The following EXTL1 variants were observed in gnomAD, a reference collection of about 807,000 sequenced individuals.
EXTL1 encodes exostosin like glycosyltransferase 1.
In EXTL1, 43 loss-of-function variants were observed where a neutral mutation model predicts 64.6. The observed-to-expected ratio is 0.67, with a 90% CI of 0.52 to 0.86. EXTL1 has a LOEUF of 0.86. EXTL1 is among the 40% of genes least tolerant of loss of function. EXTL1 has a pLI of 0.00. For synonymous variants in EXTL1, 352 were observed against 360.5 expected, an observed-to-expected ratio of 0.98 and a Z score of 0.27; for missense variants, 766 against 879.0, an observed-to-expected ratio of 0.87 and a Z score of 1.62.
intron 1 of EXTL1, 85 bp downstream of exon 1, chr1:26,023,510 G>C: frequency 7.6e-7 from 1 of 1,322,912 alleles, no homozygotes; most frequent in East Asian, 2.9e-5. Flanking sequence ...AGGCAGGACT[G>C]AGATGGGAGA....
intron 5 of EXTL1, 78 bp from the exon 6 acceptor site, chr1:26,031,382 C>G: frequency 7.2e-7 from 1 of 1,394,534 alleles, no homozygotes. Context: ...TCCTGGCCCC[C>G]GGGGATTCCC....
intron 6 of EXTL1, chr1:26,031,982 A>G (rs1324348436): frequency 4.5e-6 from 1 of 221,584 alleles, no homozygotes; most frequent in Non-Finnish European, 8.8e-6. Context: ...GTCCTTGTAG[A>G]GGAAGTGAAG....
rs1446693242 is a variant in EXTL1, at chr1:26,033,579, C to T, written c.1519-117C>T. On this transcript the variant is annotated intron_variant, in intron 8 of 10. Transcript: ENST00000374280. This position sits in a 1 kb window ranked among gnomAD's most constrained non-coding sequence, Gnocchi z 5.1. ...CCAATTCCAAGTCTTGGCTCCCGCG[C>T]CCTCTCCCCTGAGTCCTGCCCGGGC... 2 of 1,058,186 alleles carry T rather than the reference C, an allele frequency of 1.9e-6. No homozygotes were observed. The highest frequency in any genetic ancestry group is 1.6e-5 in the African/African-American group (1 of 62,928). The allele number at this position is 1,058,186 out of a possible 1,614,324, so 65.5% of individuals were successfully genotyped here.
At position 26,033,625 on chromosome 1, in the gene EXTL1, G is replaced by C; in HGVS notation, c.1519-71G>C. On this transcript the variant is annotated intron_variant, in intron 8 of 10. Coordinates refer to ENST00000374280, the MANE Select transcript of EXTL1 (RefSeq NM_004455.3). This position sits in a 1 kb window ranked among gnomAD's most constrained non-coding sequence, Gnocchi z 5.1. ...CGGGCCCCTCAGCCAGGCTGCCCCTGCCTCCATTTCCCTGGATGTTCTAGG... is the reference window on the plus strand; with the variant it reads ...CGGGCCCCTCAGCCAGGCTGCCCCTCCCTCCATTTCCCTGGATGTTCTAGG... The C allele has an allele frequency of 6.5e-7, 1 of 1,529,560 alleles. No individual in the cohort carries two copies. Among genetic ancestry groups the C allele is most frequent in the South Asian group, 1.2e-5 (1 of 82,306 alleles). The allele number at this position is 1,529,560 out of a possible 1,614,324, so 94.7% of individuals were successfully genotyped here.
chr1:26,035,412 C>G lies in EXTL1; in HGVS notation c.*65C>G. On this transcript the variant is annotated 3_prime_UTR_variant, in exon 11 of 11. Transcript: ENST00000374280. The surrounding 1 kb of genome is among the most constrained non-coding windows in gnomAD (Gnocchi z 5.3). ...AGCTCCCAGGGGGCCCGGCGCCTGC[C>G]GGCGGGCTCCGCTCTTGGGACACCG... 1 of 1,443,256 alleles carries G rather than the reference C, an allele frequency of 6.9e-7. No homozygotes were observed. The highest frequency in any genetic ancestry group is 2.4e-5 in the East Asian group (1 of 42,232). The allele number at this position is 1,443,256 out of a possible 1,614,324, so 89.4% of individuals were successfully genotyped here. A position where few individuals can be genotyped will look rare whatever the true frequency, so the allele number is the denominator to read the frequency against.
intron 1 of EXTL1, 21 bp from the exon 2 acceptor site, chr1:26,029,172 C>G: frequency 6.3e-7 from 1 of 1,583,356 alleles, no homozygotes; most frequent in Admixed American, 1.7e-5. Context: ...TGTGGTGGGA[C>G]CTCCCCATGT....
chr1:26,035,936 G>C lies in EXTL1; in HGVS notation c.*589G>C, dbSNP rs556513618. On this transcript the variant is annotated 3_prime_UTR_variant, in exon 11 of 11. Transcript: ENST00000374280. This position sits in a 1 kb window ranked among gnomAD's most constrained non-coding sequence, Gnocchi z 5.3. Reference sequence around the variant, plus strand: ...GCCCCACCCCGCCACCCATTCCTAGGGTTCCTAGTCCCGGGAAGGCAACTA... The same window carrying C: ...GCCCCACCCCGCCACCCATTCCTAGCGTTCCTAGTCCCGGGAAGGCAACTA... The C allele has an allele frequency of 6.6e-6, 1 of 152,554 alleles. No homozygotes were observed. Among genetic ancestry groups the C allele is most frequent in the Non-Finnish European group, 1.5e-5 (1 of 68,074 alleles). 9.5% of individuals were successfully genotyped at this position (152,554 alleles called of 1,614,324 possible).
In EXTL1 at chr1:26,035,107, C is replaced by G; in HGVS notation, c.1849-58C>G. 1 of 1,589,368 alleles carries G rather than the reference C, an allele frequency of 6.3e-7. No homozygotes were observed. Among genetic ancestry groups the G allele is most frequent in the South Asian group, 1.1e-5 (1 of 89,088 alleles). On this transcript the variant is annotated intron_variant, in intron 10 of 10. Coordinates refer to ENST00000374280, the MANE Select transcript of EXTL1 (RefSeq NM_004455.3). The surrounding 1 kb of genome is among the most constrained non-coding windows in gnomAD (Gnocchi z 5.3). ...ATTCCAGTCTTTCTTGCTGCACGGG[C>G]GTGGGGAGTTCGGAAGGGCAGAGAA...
Position 26,033,843 on chromosome 1 carries a change from G to T in EXTL1, c.1666G>T (p.Ala556Ser). The change falls in exon 9 of 11, where the codon GCC becomes TCC. Residue 556 changes from alanine (A) to serine (S), a missense_variant. Around this residue, in one of 3 missense-constraint regions of EXTL1, gnomAD observed 194 missense variants for 214.5 expected, o/e 0.90. Coordinates refer to ENST00000374280, the MANE Select transcript of EXTL1 (RefSeq NM_004455.3). This position sits in a 1 kb window ranked among gnomAD's most constrained non-coding sequence, Gnocchi z 5.1. Reference sequence around the variant, plus strand: ...ATTCTCCATGGTTCTCACCACAGCCGCCTTCTACCATAGGTACAGACCCCT... The same window carrying T: ...ATTCTCCATGGTTCTCACCACAGCCTCCTTCTACCATAGGTACAGACCCCT... ...NEFSMVLTTA[A>S]FYHRYYHTLF... The T allele has an allele frequency of 6.2e-7, 1 of 1,613,592 alleles. No homozygotes were observed. The highest frequency in any genetic ancestry group is 8.5e-7 in the Non-Finnish European group (1 of 1,179,764).
In EXTL1 at chr1:26,035,184, C is replaced by T; in HGVS notation, c.1868C>T (p.Pro623Leu). 1 of 1,607,144 alleles carries T rather than the reference C, an allele frequency of 6.2e-7. No individual in the cohort carries two copies. Among genetic ancestry groups the T allele is most frequent in the Non-Finnish European group, 8.5e-7 (1 of 1,175,942 alleles). ...AAPLAPGGPG[P>L]RPKPPAPAPD... ...TCTTAGGCGCCTGGGGGCCCGGGGCCCAGGCCAAAGCCGCCTGCCCCAGCC... is the reference window on the plus strand; with the variant it reads ...TCTTAGGCGCCTGGGGGCCCGGGGCTCAGGCCAAAGCCGCCTGCCCCAGCC... Residue 623 changes from proline to leucine, a missense_variant, in exon 11 of 11, where the codon CCC (proline) becomes CTC (leucine). Physicochemically the swap from Pro to Leu is moderately conservative, Grantham distance 98. Around this residue, in one of 3 missense-constraint regions of EXTL1, gnomAD observed 194 missense variants for 214.5 expected, o/e 0.90. Coordinates refer to ENST00000374280, the MANE Select transcript of EXTL1 (RefSeq NM_004455.3). The surrounding 1 kb of genome is among the most constrained non-coding windows in gnomAD (Gnocchi z 5.3).
In EXTL1 at chr1:26,035,353, C is replaced by T. The variant is rs775421891; in HGVS notation, c.*6C>T. 3.6e-5 allele frequency: 57 copies of T among 1,594,140 alleles called. No homozygotes were observed. The highest frequency in any genetic ancestry group is 4.6e-5 in the Non-Finnish European group (54 of 1,166,624). On this transcript the variant is annotated 3_prime_UTR_variant, in exon 11 of 11. Transcript: ENST00000374280. This position sits in a 1 kb window ranked among gnomAD's most constrained non-coding sequence, Gnocchi z 5.3. ...GCAGCCTGGAGAAGCCCTAGGGGGG[C>T]GACCCGCGGAGACCCCAGCAGAGGT...
intron 7 of EXTL1, among the ~76,000 whole-genome samples, chr1:26,032,755 T>A (rs1343829): frequency 0.88 from 133,676 of 152,146 alleles, 58,905 homozygotes; most frequent in East Asian, 0.93. Flanking sequence ...GAAACCCAGG[T>A]TCTTGAGAAA....
Position 26,034,869 on chromosome 1 carries a change from C to T in EXTL1, c.1713C>T (p.Pro571=). The T allele has an allele frequency of 6.2e-7, 1 of 1,614,166 alleles. No homozygotes were observed. The highest frequency in any genetic ancestry group is 8.5e-7 in the Non-Finnish European group (1 of 1,180,006). Reference sequence around the variant, plus strand: ...ACACTCTCTTCACCCACTCCCTGCCCAAGGCTCTGAGGACCCTGGCAGATG... The same window carrying T: ...ACACTCTCTTCACCCACTCCCTGCCTAAGGCTCTGAGGACCCTGGCAGATG... The part of the protein sequence containing the change: ...YYHTLFTHSL[P]KALRTLADEA... The change falls in exon 10 of 11, where the codon CCC becomes CCT. Residue 571 remains proline, a synonymous_variant. Coordinates refer to ENST00000374280, the MANE Select transcript of EXTL1 (RefSeq NM_004455.3). This position sits in a 1 kb window ranked among gnomAD's most constrained non-coding sequence, Gnocchi z 4.6.
chr1:26,028,385 C>T (rs1287686056), intron 1 of EXTL1, among the ~76,000 whole-genome samples: 2 of 152,338 alleles, frequency 1.3e-5, no homozygotes, highest in African/African-American at 4.8e-5. Context: ...AGGCTCAGAG[C>T]CAAACAGGCT....
chr1:26,029,727 A>C lies in EXTL1; in HGVS notation c.981+20A>C, dbSNP rs1289924275. The C allele has an allele frequency of 1.3e-6, 2 of 1,533,210 alleles. No individual in the cohort carries two copies. The highest frequency in any genetic ancestry group is 2.7e-5 in the African/African-American group (2 of 73,548). 95.0% of individuals were successfully genotyped at this position (1,533,210 alleles called of 1,614,324 possible). A position where few individuals can be genotyped will look rare whatever the true frequency, so the allele number is the denominator to read the frequency against. On this transcript the variant is annotated intron_variant, in intron 3 of 10. Coordinates refer to ENST00000374280, the MANE Select transcript of EXTL1 (RefSeq NM_004455.3). The stretch of plus-strand genomic sequence containing the variant: ...CTTCAGGTAGCTCAGAGCCCTGCCC[A>C]CAGGGTGGGAACTGGACCCAGGACA...
chr1:26,035,473 C>T lies in EXTL1; in HGVS notation c.*126C>T. 2 of 875,566 alleles carry T rather than the reference C, an allele frequency of 2.3e-6. No individual in the cohort carries two copies. Among genetic ancestry groups the T allele is most frequent in the East Asian group, 2.7e-5 (1 of 36,788 alleles). 54.2% of individuals were successfully genotyped at this position (875,566 alleles called of 1,614,324 possible). A position where few individuals can be genotyped will look rare whatever the true frequency, so the allele number is the denominator to read the frequency against. On this transcript the variant is annotated 3_prime_UTR_variant, in exon 11 of 11. Transcript: ENST00000374280. This position sits in a 1 kb window ranked among gnomAD's most constrained non-coding sequence, Gnocchi z 5.3. ...CATGTCAGCCAGCGGGCCCACACGT[C>T]GGACCCCGGTTGGCCAATCACAACA...
At position 26,023,108 on chromosome 1, in the gene EXTL1, CAG is replaced by C. The variant is rs1557548923; in HGVS notation, c.463_464del (p.Arg155GlyfsTer27). The C allele has an allele frequency of 3.1e-6, 5 of 1,613,844 alleles. No individual in the cohort carries two copies. Among genetic ancestry groups the C allele is most frequent in the South Asian group, 1.1e-5 (1 of 91,026 alleles). Reference protein sequence around the residue: ...ECSSMPLQWNRGRNHLVLRLH... With the variant: ...ECSSMPLQWNXGRNHLVLRLH... ...GCAGCTCAATGCCTCTGCAATGGAA[CAG>C]GGGCAGGAACCATCTGGTCCTCCGT... On this transcript the variant is annotated frameshift_variant, in exon 1 of 11. Transcript: ENST00000374280. LOFTEE classifies it high-confidence loss of function.
chr1:26,022,621 C>T lies in EXTL1; in HGVS notation c.-26C>T. ...CTTGCTGGCAGAGGCCTCCCAGCTTCCCTAGCCCTGACTGTGGGTGGCCAC... is the reference window on the plus strand; with the variant it reads ...CTTGCTGGCAGAGGCCTCCCAGCTTTCCTAGCCCTGACTGTGGGTGGCCAC... On this transcript the variant is annotated 5_prime_UTR_variant, in exon 1 of 11. Transcript: ENST00000374280. 5 of 1,553,024 alleles carry T rather than the reference C, an allele frequency of 3.2e-6. No homozygotes were observed. The highest frequency in any genetic ancestry group is 3.5e-6 in the Non-Finnish European group (4 of 1,147,168).
At chr1:26,031,366 C>A in intron 5 of EXTL1, 94 bp from the exon 6 acceptor site, 1 of 1,462,826 alleles carries the variant, frequency 6.8e-7, no homozygotes. Flanking sequence ...CAAGCCCTAA[C>A]ATTTTTCCTG....
Sources: gnomAD v4.1 joint callset for allele counts (sites outside exome capture counted in the v4.1 genomes callset) on GRCh38, gnomAD v4.1.1 for gene constraint, gnomAD v4.1.1 regional missense constraint, Gnocchi (gnomAD v3.1) non-coding constraint, MANE v1.5 for transcripts, NCBI Gene and HGNC (gene_info 2026-07-23, HGNC 2026-07-21) for gene names.